Variants in PRKCH observed in about 807,000 individuals in gnomAD.
PRKCH encodes protein kinase C eta type.
PRKCH carries 28 observed loss-of-function variants against 82.5 expected under a neutral mutation model. The ratio of observed to expected loss-of-function variants is 0.34; its 90% CI spans 0.25 to 0.47. The LOEUF (loss-of-function observed/expected upper bound fraction) is 0.47, where lower values mean the gene tolerates loss of function less well. Ranked by LOEUF, PRKCH falls within the 20% of genes least tolerant of loss-of-function variation. The pLI, the probability that PRKCH is intolerant of heterozygous loss-of-function variation, is 1.00. For synonymous variants in PRKCH, 322 were observed against 327.4 expected (o/e 0.98, Z 0.18); for missense variants, 705 against 881.8 (o/e 0.80, Z 2.54).
intron 1 of PRKCH, among the ~76,000 whole-genome samples, chr14:61,228,208 C>T (rs1385242543): frequency 1.3e-5 from 2 of 151,964 alleles, no homozygotes; most frequent in African/African-American, 4.8e-5. Context: ...CATTGAATCC[C>T]GAGGAGAGAA....
intron 1 of PRKCH, among the ~76,000 whole-genome samples, chr14:61,384,147 G>A (rs934509872): frequency 8.5e-5 from 13 of 152,180 alleles, no homozygotes; most frequent in Admixed American, 8.5e-4. Context: ...AAAACAGATG[G>A]TCACGGTGCC....
At position 61,457,553 on chromosome 14, in the gene PRKCH, G is replaced by C. The variant is rs1884832955; in HGVS notation, c.1152G>C (p.Lys384Asn). Reference protein sequence around the residue: ...VKETGDLYAVKVLKKDVILQD... With the variant: ...VKETGDLYAVNVLKKDVILQD... ...AAACAGGAGACCTCTATGCTGTGAA[G>C]GTGCTGAAGAAGGACGTGATTCTGC... Residue 384 changes from lysine (K) to asparagine (N), a missense_variant, in exon 9 of 14, where the codon AAG becomes AAC. Physicochemically the swap from Lys to Asn is moderately conservative, Grantham distance 94. This residue lies in a region of PRKCH where 238 missense variants were observed against 258.1 expected (regional missense o/e 0.92). Transcript: ENST00000332981. The C allele has an allele frequency of 1.2e-6, 2 of 1,614,122 alleles. No homozygotes were observed. Among genetic ancestry groups the C allele is most frequent in the Non-Finnish European group, 8.5e-7 (1 of 1,180,012 alleles).
Position 61,514,477 on chromosome 14 carries a change from G to C in PRKCH, c.1434-14598G>C, listed in dbSNP as rs1445950378. 2.0e-5 allele frequency among the ~76,000 whole-genome samples: 3 copies of C among 152,128 alleles called. No homozygotes were observed. The South Asian group carries it at 6.2e-4, about 31-fold the overall frequency. ...GTCTGGGGTGGACTTGAGAGCCACA[G>C]AGTATGCTGTCCTGGTCTTAGGTCA... On this transcript the variant is annotated intron_variant, in intron 10 of 13. Transcript: ENST00000332981.
intron 9 of PRKCH, among the ~76,000 whole-genome samples, chr14:61,481,397 A>G (rs1335209611): frequency 1.3e-5 from 2 of 152,340 alleles, no homozygotes; most frequent in South Asian, 2.1e-4. Flanking sequence ...GGCAGCAGAA[A>G]GGCCATTATG....
intron 2 of PRKCH, among the ~76,000 whole-genome samples, chr14:61,405,517 A>C (rs1010923986): frequency 6.6e-6 from 1 of 152,076 alleles, no homozygotes; most frequent in Non-Finnish European, 1.5e-5. Context: ...AGCTGGGATT[A>C]CAGGCGCGCA....
At chr14:61,307,375 A>C (rs2045491903) in intron 1 of PRKCH, 1 of 152,250 alleles carries the variant, frequency 6.6e-6, no homozygotes, top group African/African-American at 2.4e-5. Flanking sequence ...CATCAACAAC[A>C]GCATAATTTA....
intron 10 of PRKCH, among the ~76,000 whole-genome samples, chr14:61,521,847 A>G (rs2042911754): frequency 6.6e-6 from 1 of 152,154 alleles, no homozygotes; most frequent in African/African-American, 2.4e-5. Flanking sequence ...ATTTGTCACT[A>G]GTTTTTGTAG....
chr14:61,204,586 C>T (rs943139115), intron 1 of PRKCH, among the ~76,000 whole-genome samples: 7 of 151,882 alleles, frequency 4.6e-5, no homozygotes, highest in African/African-American at 1.7e-4. Flanking sequence ...GAGACCACAT[C>T]TCTACAAAAA....
At chr14:61,299,965 T>C (rs1009295575) in intron 1 of PRKCH, 1 of 152,218 alleles carries the variant, frequency 6.6e-6, no homozygotes, top group Non-Finnish European at 1.5e-5. Flanking sequence ...TTTTCATCAG[T>C]TTGAATACTG....
chr14:61,226,379 G>A (rs2044696470), intron 1 of PRKCH, among the ~76,000 whole-genome samples: 1 of 152,210 alleles, frequency 6.6e-6, no homozygotes, highest in Non-Finnish European at 1.5e-5. Flanking sequence ...CTTCCAGCAA[G>A]TCATCATTTC....
chr14:61,206,049 T>C (rs528594416), intron 1 of PRKCH, among the ~76,000 whole-genome samples: 3 of 152,180 alleles, frequency 2.0e-5, no homozygotes, highest in Non-Finnish European at 4.4e-5. Context: ...GGCTGCCCAT[T>C]AGAGTCTGTA....
chr14:61,414,274 C>CTT (rs151041093), intron 2 of PRKCH, among the ~76,000 whole-genome samples: 13 of 141,126 alleles, frequency 9.2e-5, no homozygotes, highest in Non-Finnish European at 1.4e-4. Context: ...TTCATTTAAT[C>CTT]TTTTTTTTTT....
At position 61,332,048 on chromosome 14, in the gene PRKCH, A is replaced by G. The variant is rs371322640; in HGVS notation, c.363+9584A>G. Among the ~76,000 whole-genome samples the G allele has an allele frequency of 7.2e-5, 11 of 152,342 alleles. No individual in the cohort carries two copies. In the East Asian group the frequency reaches 1.2e-3, roughly 16 times the overall value. ...TTGTTCTATGGGATGGTTGTAAGTTATGTCCCTGTTACGGCAAGTCAGAGA... is the reference window on the plus strand; with the variant it reads ...TTGTTCTATGGGATGGTTGTAAGTTGTGTCCCTGTTACGGCAAGTCAGAGA... On this transcript the variant is annotated intron_variant, in intron 1 of 13. Coordinates refer to ENST00000332981, the MANE Select transcript of PRKCH (RefSeq NM_006255.5).
At chr14:61,437,790 G>C (rs941476142) in intron 2 of PRKCH, among the ~76,000 whole-genome samples, 1 of 151,990 alleles carries the variant, frequency 6.6e-6, no homozygotes, top group African/African-American at 2.4e-5. Flanking sequence ...ACAATAGACA[G>C]TTGAATTAAA....
chr14:61,419,714 A>G (rs1265975005), intron 2 of PRKCH, among the ~76,000 whole-genome samples: 1 of 152,230 alleles, frequency 6.6e-6, no homozygotes, highest in Non-Finnish European at 1.5e-5. Context: ...TTGTCATTTT[A>G]AAAACCTGGG....
intron 2 of PRKCH, among the ~76,000 whole-genome samples, chr14:61,396,123 C>T (rs1416380384): frequency 1.3e-5 from 2 of 149,704 alleles, no homozygotes; most frequent in Non-Finnish European, 3.0e-5. Context: ...TTATTTTATA[C>T]AAGAAGCCTC....
chr14:61,444,125 C>G (rs1447444529), intron 3 of PRKCH, among the ~76,000 whole-genome samples: 1 of 152,148 alleles, frequency 6.6e-6, no homozygotes, highest in Non-Finnish European at 1.5e-5. Flanking sequence ...GATTTTATAT[C>G]TTCAACAGTC....
intron 1 of PRKCH, among the ~76,000 whole-genome samples, chr14:61,352,684 GGAAAGGAAAGAAA>G: frequency 1.0e-5 from 1 of 97,560 alleles, no homozygotes; most frequent in South Asian, 3.4e-4. Context: ...GAGAGAGAAA[GGAAAGGAAAGAAA>G]GAAAGAAAGA....
chr14:61,195,264 T>C (rs2044432768), intron 1 of PRKCH, among the ~76,000 whole-genome samples: 1 of 152,250 alleles, frequency 6.6e-6, no homozygotes, highest in Non-Finnish European at 1.5e-5. Context: ...CTATCTGTGG[T>C]ACTTTCTGTG....
Sources: allele counts gnomAD v4.1 joint callset (sites outside exome capture counted in the v4.1 genomes callset), GRCh38; gene constraint gnomAD v4.1.1; regional missense constraint gnomAD v4.1.1; transcripts MANE v1.5; gene names NCBI Gene and HGNC (gene_info 2026-07-23, HGNC 2026-07-21).